INSRR: variants seen among roughly 807,000 people sequenced by gnomAD.
INSRR encodes the protein insulin receptor related receptor.
A neutral mutation model predicts 130.0 loss-of-function variants in INSRR; 114 were observed. The ratio of observed to expected loss-of-function variants is 0.88; its 90% CI spans 0.75 to 1.02. The LOEUF (loss-of-function observed/expected upper bound fraction) is 1.02, where lower values mean the gene tolerates loss of function less well. Among genes scored for constraint, INSRR ranks in the 50% least tolerant of loss-of-function variants. INSRR has a pLI of 0.00. For synonymous variants in INSRR, 674 were observed against 705.2 expected, an observed-to-expected ratio of 0.96 and a Z score of 0.70; for missense variants, 1,657 against 1,735.2, an observed-to-expected ratio of 0.95 and a Z score of 0.80.
chr1:156,845,742 T>TC lies in INSRR; in HGVS notation c.2050dup (p.Glu684GlyfsTer31). ...GTGCTGGCAAGGGCAGCAGTCGGAC[T>TC]CCATCTCGGCCTCAGGATCCCCGTC... On this transcript the variant is annotated frameshift_variant, in exon 10 of 22. Transcript: ENST00000368195. LOFTEE classifies it high-confidence loss of function. 1 of 1,613,572 alleles carries TC rather than the reference T, an allele frequency of 6.2e-7. No individual in the cohort carries two copies. The highest frequency in any genetic ancestry group is 8.5e-7 in the Non-Finnish European group (1 of 1,179,920).
At chr1:156,845,887 C>A in intron 9 of INSRR, 65 bp downstream of exon 9, 1 of 1,597,414 alleles carries the variant, frequency 6.3e-7, no homozygotes, top group South Asian at 1.1e-5. Flanking sequence ...CCTGCCGGGG[C>A]CCTGCGCCTC....
intron 1 of INSRR, among the ~76,000 whole-genome samples, chr1:156,858,187 C>T (rs998392872): frequency 6.6e-6 from 1 of 152,200 alleles, no homozygotes. Context: ...CCTATCCCAC[C>T]CCTGCCTCTT....
chr1:156,849,513 G>GGGGGGGGGGGGGGGGGA, intron 5 of INSRR, 53 bp from the exon 6 acceptor site: 2 of 486,122 alleles, frequency 4.1e-6, no homozygotes, highest in Non-Finnish European at 4.1e-6. Context: ...CAGGGGGTGG[G>GGGGGGGGGGGGGGGGGA]AAAGGGGATG....
At chr1:156,852,770 T>G (rs1571671363) in intron 2 of INSRR, among the ~76,000 whole-genome samples, 3 of 152,054 alleles carry the variant, frequency 2.0e-5, no homozygotes, top group Non-Finnish European at 4.4e-5. Context: ...ATCTGTGGGG[T>G]AGGGGTCAGC....
chr1:156,848,320 TG>T (rs1655081867), intron 7 of INSRR, among the ~76,000 whole-genome samples: 1 of 152,194 alleles, frequency 6.6e-6, no homozygotes, highest in Non-Finnish European at 1.5e-5. Flanking sequence ...AGAGAGAGCA[TG>T]AACTCCTTAC....
At chr1:156,858,182 C>A (rs1286970440) in intron 1 of INSRR, among the ~76,000 whole-genome samples, 3 of 152,192 alleles carry the variant, frequency 2.0e-5, no homozygotes, top group Non-Finnish European at 2.9e-5. Context: ...AGCTACCTAT[C>A]CCACCCCTGC....
At chr1:156,845,477 C>T (rs1404331138) in intron 10 of INSRR, 64 bp from the exon 11 acceptor site, 1 of 1,514,662 alleles carries the variant, frequency 6.6e-7, no homozygotes, top group East Asian at 2.3e-5. Context: ...CTCTGCAGCG[C>T]GTACCGCCTC....
rs552325213 is a variant in INSRR, at chr1:156,840,821, C to A, written c.*52G>T. 3 of 1,389,280 alleles carry A rather than the reference C, an allele frequency of 2.2e-6. No individual in the cohort carries two copies. The highest frequency in any genetic ancestry group is 3.0e-6 in the Non-Finnish European group (3 of 988,818). The allele number at this position is 1,389,280 out of a possible 1,614,324, so 86.1% of individuals were successfully genotyped here. Reference sequence around the variant, plus strand: ...ATTCAGGCGTCTCAGCCACAGAGGTCGGGTCCCTTCCTGTCTCCCCATGGG... The same window carrying A: ...ATTCAGGCGTCTCAGCCACAGAGGTAGGGTCCCTTCCTGTCTCCCCATGGG... On this transcript the variant is annotated 3_prime_UTR_variant, in exon 22 of 22. Transcript: ENST00000368195.
At chr1:156,850,534 CTTTT>C (rs35237064) in intron 5 of INSRR, among the ~76,000 whole-genome samples, 21 of 58,604 alleles carry the variant, frequency 3.6e-4, no homozygotes, top group Non-Finnish European at 6.0e-4. Context: ...TTAAAACATT[CTTTT>C]TTTTTTTTTT....
chr1:156,858,500 G>C, intron 1 of INSRR, 37 bp downstream of exon 1: 2 of 1,547,100 alleles, frequency 1.3e-6, no homozygotes, highest in Non-Finnish European at 1.8e-6. Context: ...TGGCTGGGAG[G>C]GAGGTAGGGG....
Position 156,845,054 on chromosome 1 carries a change from GGT to G in INSRR, c.2437+20_2437+21del, listed in dbSNP as rs769468285. The G allele has an allele frequency of 3.1e-6, 5 of 1,590,464 alleles. No homozygotes were observed. Among genetic ancestry groups the G allele is most frequent in the South Asian group, 1.1e-5 (1 of 88,472 alleles). On this transcript the variant is annotated intron_variant, in intron 12 of 21. Transcript: ENST00000368195. ...CTTGGGGTCGGTGATGGGGGTAGAA[GGT>G]GTGTGTGTGGATCACCTACTGTGGG...
chr1:156,854,361 G>C lies in INSRR; in HGVS notation c.86-58C>G. The C allele has an allele frequency of 1.3e-6, 2 of 1,493,232 alleles. No homozygotes were observed. The highest frequency in any genetic ancestry group is 9.0e-7 in the Non-Finnish European group (1 of 1,112,098). 92.5% of individuals were successfully genotyped at this position (1,493,232 alleles called of 1,614,324 possible). On this transcript the variant is annotated intron_variant, in intron 1 of 21. Coordinates refer to ENST00000368195, the MANE Select transcript of INSRR (RefSeq NM_014215.3). The surrounding 1 kb of genome is among the most constrained non-coding windows in gnomAD (Gnocchi z 4.2). ...CAGCCCAGGCCAAATTCCCCATCCA[G>C]CCCTGGCAGCTTTGGAGGGGAGCCA...
In INSRR at chr1:156,854,353, C is replaced by T; in HGVS notation, c.86-50G>A. Reference sequence around the variant, plus strand: ...ATTGAGTACAGCCCAGGCCAAATTCCCCATCCAGCCCTGGCAGCTTTGGAG... The same window carrying T: ...ATTGAGTACAGCCCAGGCCAAATTCTCCATCCAGCCCTGGCAGCTTTGGAG... On this transcript the variant is annotated intron_variant, in intron 1 of 21. Coordinates refer to ENST00000368195, the MANE Select transcript of INSRR (RefSeq NM_014215.3). This position sits in a 1 kb window ranked among gnomAD's most constrained non-coding sequence, Gnocchi z 4.2. 1 of 1,518,580 alleles carries T rather than the reference C, an allele frequency of 6.6e-7. No homozygotes were observed. Among genetic ancestry groups the T allele is most frequent in the Non-Finnish European group, 8.9e-7 (1 of 1,128,940 alleles). The allele number at this position is 1,518,580 out of a possible 1,614,324, so 94.1% of individuals were successfully genotyped here.
In INSRR at chr1:156,858,910, A is replaced by G; in HGVS notation, c.-289T>C. ...GTGACAGGGAGAGTCTCGGGCCTCC[A>G]GAGGGAGAAAATGACACAGGGTTCT... is the stretch of plus-strand genomic sequence containing the variant. On this transcript the variant is annotated 5_prime_UTR_variant, in exon 1 of 22. Transcript: ENST00000368195. 2.3e-6 allele frequency: 1 copy of G among 439,788 alleles called. No homozygotes were observed. The highest frequency in any genetic ancestry group is 3.0e-5 in the South Asian group (1 of 33,600). 27.2% of individuals were successfully genotyped at this position (439,788 alleles called of 1,614,324 possible). A position where few individuals can be genotyped will look rare whatever the true frequency, so the allele number is the denominator to read the frequency against.
intron 15 of INSRR, 147 bp from the exon 16 acceptor site, chr1:156,843,626 A>G: frequency 2.4e-6 from 2 of 818,330 alleles, no homozygotes; most frequent in Admixed American, 2.0e-5. Context: ...GGGGATCCCT[A>G]AGTACCCTCC....
intron 5 of INSRR, among the ~76,000 whole-genome samples, chr1:156,850,910 C>A (rs1465633334): frequency 6.6e-6 from 1 of 152,144 alleles, no homozygotes; most frequent in Non-Finnish European, 1.5e-5. Flanking sequence ...CCTTGACTGG[C>A]AGATGATAGG....
intron 9 of INSRR, 50 bp downstream of exon 9, chr1:156,845,902 T>G (rs770524140): frequency 1.3e-6 from 2 of 1,598,088 alleles, no homozygotes; most frequent in South Asian, 2.2e-5. Flanking sequence ...CGCCTCCATC[T>G]CCCCTTCCCC....
chr1:156,857,323 G>T (rs1216748783), intron 1 of INSRR, among the ~76,000 whole-genome samples: 1 of 152,136 alleles, frequency 6.6e-6, no homozygotes, highest in African/African-American at 2.4e-5. Context: ...GCAGATAGGG[G>T]TTCTCTCAGG....
In INSRR at chr1:156,841,443, C is replaced by T. The variant is rs187492842; in HGVS notation, c.3613G>A (p.Val1205Ile). The T allele has an allele frequency of 1.1e-4, 174 of 1,613,916 alleles. 2 individuals carry two copies. The South Asian group carries it at 1.4e-3, about 13-fold the overall frequency. Reference protein sequence around the residue: ...GLSNEQVLKFVMDGGVLEELE... With the variant: ...GLSNEQVLKFIMDGGVLEELE... ...TCCTCCAGGACCCCGCCATCCATGA[C>T]GAACTTCAGCACCTGCTCATTGGAC... The change falls in exon 21 of 22, where the codon GTC becomes ATC. Residue 1205 changes from valine (V) to isoleucine (I), a missense_variant. By Grantham distance (29) the Val-to-Ile change is conservative. Transcript: ENST00000368195.
Sources: gnomAD v4.1 joint callset for allele counts (sites outside exome capture counted in the v4.1 genomes callset) on GRCh38, gnomAD v4.1.1 for gene constraint, Gnocchi (gnomAD v3.1) non-coding constraint, MANE v1.5 for transcripts, NCBI Gene and HGNC (gene_info 2026-07-23, HGNC 2026-07-21) for gene names.